The following ZNF442 variants were observed in gnomAD, a reference collection of about 807,000 sequenced individuals.
ZNF442 encodes zinc finger protein 442.
Under a neutral mutation model 57.0 loss-of-function variants are expected in ZNF442, and 45 were observed. The observed-to-expected ratio is 0.79, with a 90% CI of 0.62 to 1.01. The LOEUF (loss-of-function observed/expected upper bound fraction) is 1.01, where lower values mean the gene tolerates loss of function less well. Among genes scored for constraint, ZNF442 ranks in the 50% least tolerant of loss-of-function variants. The pLI is 0.00. For synonymous variants in ZNF442, 213 were observed against 241.8 expected (o/e 0.88, Z 1.10); for missense variants, 690 against 756.5 (o/e 0.91, Z 1.03).
intron 3 of ZNF442, among the ~76,000 whole-genome samples, chr19:12,363,318 A>G (rs956387838): frequency 3.3e-5 from 5 of 152,148 alleles, no homozygotes; most frequent in Admixed American, 2.6e-4. Flanking sequence ...TCTCTTTTCA[A>G]TGTGACAACC....
upstream of ZNF442, among the ~76,000 whole-genome samples, chr19:12,367,324 G>A (rs1969544961): frequency 6.6e-6 from 1 of 152,196 alleles, no homozygotes; most frequent in Non-Finnish European, 1.5e-5. Context: ...GGGAGGGGGT[G>A]TACGAACAGG....
chr19:12,358,368 C>T (rs545970975), intron 3 of ZNF442, among the ~76,000 whole-genome samples: 32 of 152,322 alleles, frequency 2.1e-4, no homozygotes, highest in African/African-American at 7.5e-4. Flanking sequence ...TCACAAAGGA[C>T]ATGATTTCAT....
chr19:12,352,595 G>A (rs1451140703), intron 4 of ZNF442, among the ~76,000 whole-genome samples: 3 of 152,276 alleles, frequency 2.0e-5, no homozygotes, highest in Non-Finnish European at 4.4e-5. Flanking sequence ...CCTACTCAAT[G>A]AGAAGACAAT....
chr19:12,371,790 A>G, the ZNF442 span, among the ~76,000 whole-genome samples: 6 of 152,242 alleles, frequency 3.9e-5, no homozygotes, highest in South Asian at 1.2e-3. Context: ...ATATACAAAA[A>G]TCAACTCAGG....
At chr19:12,368,612 G>A (rs1018656397), upstream of ZNF442, among the ~76,000 whole-genome samples, 1 of 152,160 alleles carries the variant, frequency 6.6e-6, no homozygotes, top group East Asian at 1.9e-4. Context: ...GGCAACCAGA[G>A]CAAGTCACGC....
Position 12,348,134 on chromosome 19 carries a change from C to G in ZNF442, c.*1567G>C, listed in dbSNP as rs1969155548. Reference sequence around the variant, plus strand: ...CCGAGGCAGGTGGATCACCTGAGGTCAGGAGTTCGAGACCAGCCTGACCAA... The same window carrying G: ...CCGAGGCAGGTGGATCACCTGAGGTGAGGAGTTCGAGACCAGCCTGACCAA... On this transcript the variant is annotated 3_prime_UTR_variant, in exon 6 of 6. Coordinates refer to ENST00000242804, the MANE Select transcript of ZNF442 (RefSeq NM_030824.3). The G allele has an allele frequency of 6.6e-6, 1 of 152,068 alleles. No homozygotes were observed. The highest frequency in any genetic ancestry group is 2.1e-4 in the South Asian group (1 of 4,816). The allele number at this position is 152,068 out of a possible 1,614,324, so 9.4% of individuals were successfully genotyped here.
At chr19:12,367,408 G>A (rs1568493165), upstream of ZNF442, among the ~76,000 whole-genome samples, 1 of 152,162 alleles carries the variant, frequency 6.6e-6, no homozygotes, top group Non-Finnish European at 1.5e-5. Context: ...TAGAATTACT[G>A]ATGAGGGTCT....
Position 12,362,994 on chromosome 19 carries a change from C to A in ZNF442, c.78+560G>T, listed in dbSNP as rs797003025. On this transcript the variant is annotated intron_variant, in intron 3 of 5. Coordinates refer to ENST00000242804, the MANE Select transcript of ZNF442 (RefSeq NM_030824.3). ...CCGTCTCTACTAAAAATACAAAAAA[C>A]AAAACAAAAAAAAAATTAGCCAGGT... Among the ~76,000 whole-genome samples, 382 of 137,150 alleles carry A rather than the reference C, an allele frequency of 2.8e-3. 6 individuals are homozygous for A. The highest frequency in any genetic ancestry group is 0.013 in the African/African-American group (366 of 29,154). 90.0% of individuals were successfully genotyped at this position (137,150 alleles called of 152,430 possible).
rs770485536 is a variant in ZNF442 at position 12,350,850 on chromosome 19, G to A, written c.735C>T (p.Ala245=). The change falls in exon 6 of 6, where the codon GCC becomes GCT. Residue 245 remains alanine (A), a synonymous_variant. Coordinates refer to ENST00000242804, the MANE Select transcript of ZNF442 (RefSeq NM_030824.3). ...TTAGATAGGAACTGTAAATAGGGAA[G>A]GCTTTACAACACTGCTTACATTCAT... ...KPYECKQCCK[A]FPIYSSYLRH... 5 of 1,612,612 alleles carry A rather than the reference G, an allele frequency of 3.1e-6. No individual in the cohort carries two copies. Among genetic ancestry groups the A allele is most frequent in the Non-Finnish European group, 4.2e-6 (5 of 1,179,574 alleles).
intron 3 of ZNF442, among the ~76,000 whole-genome samples, chr19:12,362,968 C>A (rs2144843681): frequency 6.6e-6 from 1 of 150,846 alleles, no homozygotes; most frequent in East Asian, 1.9e-4. Context: ...ATAGTGAAAC[C>A]CCGTCTCTAC....
Position 12,349,874 on chromosome 19 carries a change from A to T in ZNF442, c.1711T>A (p.Ser571Thr), listed in dbSNP as rs774084296. The change falls in exon 6 of 6, where the codon TCT becomes ACT. Residue 571 changes from serine (S) to threonine (T), a missense_variant. Physicochemically the swap from Ser to Thr is moderately conservative, Grantham distance 58. Coordinates refer to ENST00000242804, the MANE Select transcript of ZNF442 (RefSeq NM_030824.3). ...RHERIHTGKK[S>T]YECQQCGKAF... is the part of the protein sequence containing the mutation. ...TTACCACATTGTTGACATTCATAAG[A>T]TTTCTTTCCAGTGTGAATTCTTTCA... 1.1e-5 allele frequency: 18 copies of T among 1,613,174 alleles called. No individual in the cohort carries two copies.
At chr19:12,363,048 A>G (rs1415486110) in intron 3 of ZNF442, among the ~76,000 whole-genome samples, 1 of 150,988 alleles carries the variant, frequency 6.6e-6, no homozygotes, top group African/African-American at 2.4e-5. Context: ...AATCCCAGCT[A>G]CTCGGGAGGC....
At chr19:12,363,416 T>A in intron 3 of ZNF442, 138 bp downstream of exon 3, 1 of 746,084 alleles carries the variant, frequency 1.3e-6, no homozygotes, top group Non-Finnish European at 2.3e-6. Context: ...GTCACCCCCA[T>A]CTGCTCAGTA....
At chr19:12,372,255 G>A in the ZNF442 span, among the ~76,000 whole-genome samples, 1,675 of 152,228 alleles carry the variant, frequency 0.011, 36 homozygotes, top group African/African-American at 0.039. Flanking sequence ...TCAGGAGTTT[G>A]AGACCAGCCT....
chr19:12,357,349 C>CTTTTTTTTTTT (rs5827145), intron 3 of ZNF442, among the ~76,000 whole-genome samples: 77 of 95,334 alleles, frequency 8.1e-4, no homozygotes, highest in Non-Finnish European at 9.8e-4. Context: ...CTTTTTCTTT[C>CTTTTTTTTTTT]TTTTTTTTTT....
At chr19:12,366,335 C>T (rs943681117), upstream of ZNF442, among the ~76,000 whole-genome samples, 4 of 152,164 alleles carry the variant, frequency 2.6e-5, no homozygotes, top group Non-Finnish European at 5.9e-5. Flanking sequence ...CAGCAGGAAA[C>T]CCCCTTTCAG....
chr19:12,369,534 C>T (rs1388217032), upstream of ZNF442, among the ~76,000 whole-genome samples: 2 of 152,022 alleles, frequency 1.3e-5, no homozygotes, highest in Non-Finnish European at 2.9e-5. Flanking sequence ...AAGAGAATCG[C>T]TTGAACCCAG....
chr19:12,357,025 G>A (rs949579438), intron 3 of ZNF442, among the ~76,000 whole-genome samples: 2 of 152,220 alleles, frequency 1.3e-5, no homozygotes, highest in Non-Finnish European at 2.9e-5. Flanking sequence ...CAAGTCCCAT[G>A]AACAGTGAAA....
In ZNF442 at chr19:12,346,745, A is replaced by C. The variant is rs890806911; in HGVS notation, c.*2956T>G. The C allele has an allele frequency of 9.2e-5, 14 of 152,258 alleles. No homozygotes were observed. Among genetic ancestry groups the C allele is most frequent in the African/African-American group, 3.4e-4 (14 of 41,472 alleles). 9.4% of individuals were successfully genotyped at this position (152,258 alleles called of 1,614,324 possible). On this transcript the variant is annotated 3_prime_UTR_variant, in exon 6 of 6. Coordinates refer to ENST00000242804, the MANE Select transcript of ZNF442 (RefSeq NM_030824.3). Reference sequence around the variant, plus strand: ...TAAACAAAGTATGCTTTAACCATACAGTGGAAATTTATTCAGACACAAAAA... The same window carrying C: ...TAAACAAAGTATGCTTTAACCATACCGTGGAAATTTATTCAGACACAAAAA...
Sources: gnomAD v4.1 joint callset for allele counts (sites outside exome capture counted in the v4.1 genomes callset) on GRCh38, gnomAD v4.1.1 for gene constraint, MANE v1.5 for transcripts, NCBI Gene and HGNC (gene_info 2026-07-23, HGNC 2026-07-21) for gene names.